The following ARL15 variants were observed in gnomAD, a reference collection of about 807,000 sequenced individuals.
The protein encoded by ARL15 is ADP-ribosylation factor-like protein 15.
ARL15 carries 19 observed loss-of-function variants against 25.2 expected under a neutral mutation model. The observed-to-expected ratio is 0.75, with a 90% CI of 0.53 to 1.10. ARL15 has a LOEUF of 1.10. Among genes scored for constraint, ARL15 ranks in the 50% least tolerant of loss-of-function variants. ARL15 has a pLI of 0.00. For synonymous variants in ARL15, 94 were observed against 86.8 expected, an observed-to-expected ratio of 1.08 and a Z score of -0.46; for missense variants, 220 against 246.0, an observed-to-expected ratio of 0.89 and a Z score of 0.71.
At chr5:53,963,958 C>A (rs2112158698) in intron 4 of ARL15, among the ~76,000 whole-genome samples, 1 of 152,300 alleles carries the variant, frequency 6.6e-6, no homozygotes, top group South Asian at 2.1e-4. Flanking sequence ...TTTAAATGCT[C>A]TCGATTCAAA....
At chr5:54,265,894 C>G (rs1201053731) in intron 1 of ARL15, among the ~76,000 whole-genome samples, 1 of 152,178 alleles carries the variant, frequency 6.6e-6, no homozygotes, top group Non-Finnish European at 1.5e-5. Context: ...CATATTAAGC[C>G]TCGTTTAACC....
intron 4 of ARL15, among the ~76,000 whole-genome samples, chr5:54,082,107 A>AGGAGGGAGGGGG (rs1751818069): frequency 1.5e-5 from 2 of 135,576 alleles, no homozygotes; most frequent in Non-Finnish European, 1.5e-5. Context: ...AAAGAAGGAA[A>AGGAGGGAGGGGG]GGAGGGAGGG....
intron 1 of ARL15, among the ~76,000 whole-genome samples, chr5:54,298,682 C>A (rs1040852359): frequency 5.9e-5 from 9 of 152,090 alleles, no homozygotes; most frequent in Non-Finnish European, 1.3e-4. Context: ...CCATGACAGC[C>A]CTCTGGCCAA....
intron 4 of ARL15, among the ~76,000 whole-genome samples, chr5:53,990,381 T>C (rs1019130173): frequency 2.6e-5 from 4 of 152,352 alleles, no homozygotes; most frequent in Middle Eastern, 3.4e-3. Flanking sequence ...AATTTCTTCT[T>C]TTTAGTTCAG....
intron 3 of ARL15, 86 bp from the exon 4 acceptor site, chr5:54,113,496 A>T: frequency 7.9e-7 from 1 of 1,264,234 alleles, no homozygotes; most frequent in Non-Finnish European, 1.1e-6. Flanking sequence ...ACTGGAAACC[A>T]ATGTACCTTT....
intron 3 of ARL15, among the ~76,000 whole-genome samples, chr5:54,154,010 A>G (rs1003907758): frequency 1.3e-5 from 2 of 152,206 alleles, no homozygotes; most frequent in Non-Finnish European, 2.9e-5. Context: ...TAATCTATTT[A>G]CATGGGTTAA....
chr5:54,097,638 TATA>T (rs1319682339), intron 4 of ARL15, among the ~76,000 whole-genome samples: 2 of 152,252 alleles, frequency 1.3e-5, no homozygotes, highest in Non-Finnish European at 2.9e-5. Flanking sequence ...TTTAGGTTCC[TATA>T]ATAACATTTA....
intron 1 of ARL15, among the ~76,000 whole-genome samples, chr5:54,284,252 TGCC>T (rs1451361917): frequency 3.9e-5 from 6 of 152,150 alleles, no homozygotes; most frequent in Non-Finnish European, 7.4e-5. Flanking sequence ...TACAGGAGCA[TGCC>T]ACCATGCCCA....
At chr5:53,989,592 TG>T (rs1348862847) in intron 4 of ARL15, among the ~76,000 whole-genome samples, 3 of 151,972 alleles carry the variant, frequency 2.0e-5, no homozygotes, top group Non-Finnish European at 4.4e-5. Context: ...TGTGTGTGTG[TG>T]TGTGTGTATG....
chr5:53,955,455 A>G (rs1320027259), intron 4 of ARL15, among the ~76,000 whole-genome samples: 2 of 152,206 alleles, frequency 1.3e-5, no homozygotes, highest in African/African-American at 4.8e-5. Flanking sequence ...GAATTTTTCG[A>G]TAAATAAAAC....
intron 4 of ARL15, among the ~76,000 whole-genome samples, chr5:54,024,439 T>G (rs530271370): frequency 6.6e-6 from 1 of 152,352 alleles, no homozygotes; most frequent in South Asian, 2.1e-4. Flanking sequence ...TCCATACTTT[T>G]TAATACTTTG....
intron 4 of ARL15, among the ~76,000 whole-genome samples, chr5:54,023,882 T>C (rs1234651034): frequency 6.6e-6 from 1 of 152,194 alleles, no homozygotes; most frequent in Non-Finnish European, 1.5e-5. Flanking sequence ...TCGTGTCTGC[T>C]CTGCTGGCCC....
At chr5:54,201,400 G>A (rs1197366657) in intron 1 of ARL15, among the ~76,000 whole-genome samples, 3 of 151,986 alleles carry the variant, frequency 2.0e-5, no homozygotes, top group Non-Finnish European at 2.9e-5. Flanking sequence ...TTAGGCTTCC[G>A]AACCTTCTCC....
intron 4 of ARL15, among the ~76,000 whole-genome samples, chr5:53,943,770 T>C (rs1216962571): frequency 6.6e-6 from 1 of 152,162 alleles, no homozygotes; most frequent in African/African-American, 2.4e-5. Context: ...ATTTTCTACC[T>C]GAGAGCTGGA....
At chr5:54,045,721 G>C (rs1750487112) in intron 4 of ARL15, among the ~76,000 whole-genome samples, 2 of 152,120 alleles carry the variant, frequency 1.3e-5, no homozygotes, top group African/African-American at 4.8e-5. Context: ...GAGTGGGGCA[G>C]AGCTTGCCAA....
chr5:54,242,378 C>T (rs1021582536), intron 1 of ARL15, among the ~76,000 whole-genome samples: 2 of 152,182 alleles, frequency 1.3e-5, no homozygotes, highest in Non-Finnish European at 2.9e-5. Flanking sequence ...GGACCACTTA[C>T]TCCCACTCAG....
chr5:53,916,217 C>T (rs1442731858), intron 4 of ARL15, among the ~76,000 whole-genome samples: 1 of 150,658 alleles, frequency 6.6e-6, no homozygotes, highest in East Asian at 1.9e-4. Flanking sequence ...TCACAAAATA[C>T]CCAGAACAGA....
chr5:53,914,831 G>A (rs1239995029), intron 4 of ARL15, among the ~76,000 whole-genome samples: 1 of 147,550 alleles, frequency 6.8e-6, no homozygotes, highest in Non-Finnish European at 1.5e-5. Context: ...TCTTTCCTTT[G>A]ATGGAGTCTC....
chr5:54,255,510 T>C (rs935040632), intron 1 of ARL15, among the ~76,000 whole-genome samples: 8 of 152,008 alleles, frequency 5.3e-5, no homozygotes, highest in Non-Finnish European at 7.4e-5. Context: ...ACATCTAGAG[T>C]TGAGATAAGG....
Sources: gnomAD v4.1 joint callset for allele counts (sites outside exome capture counted in the v4.1 genomes callset) on GRCh38, gnomAD v4.1.1 for gene constraint, MANE v1.5 for transcripts, NCBI Gene and HGNC (gene_info 2026-07-23, HGNC 2026-07-21) for gene names.